SVIL: variants seen among roughly 807,000 people sequenced by gnomAD.
SVIL encodes supervillin, also known as archvillin.
Under a neutral mutation model 240.4 loss-of-function variants are expected in SVIL, and 101 were observed. The observed-to-expected ratio is 0.42, with a 90% CI of 0.36 to 0.50. SVIL has a LOEUF of 0.50. SVIL is among the 20% of genes least tolerant of loss of function. The pLI is 0.01. For missense variants in SVIL, 2,512 were observed against 2,818.7 expected, an observed-to-expected ratio of 0.89 and a Z score of 2.46; for synonymous variants, 999 against 1,100.0, an observed-to-expected ratio of 0.91 and a Z score of 1.82.
intron 1 of SVIL, among the ~76,000 whole-genome samples, chr10:29,723,004 G>GGTACTT (rs1429915743): frequency 6.6e-6 from 1 of 152,218 alleles, no homozygotes; most frequent in East Asian, 1.9e-4. Flanking sequence ...TACTTCACGT[G>GGTACTT]GTACTTGTGA....
At chr10:29,515,967 A>T (rs1185733325) in intron 16 of SVIL, among the ~76,000 whole-genome samples, 1 of 152,042 alleles carries the variant, frequency 6.6e-6, no homozygotes, top group Non-Finnish European at 1.5e-5. Context: ...ATTCTGACGG[A>T]CAAGGAACGT....
chr10:29,532,476 C>T, intron 8 of SVIL, 53 bp downstream of exon 8: 1 of 1,553,364 alleles, frequency 6.4e-7, no homozygotes, highest in Non-Finnish European at 8.7e-7. Context: ...GTGAATCATT[C>T]TGCCAGGGAC....
At chr10:29,572,000 C>T (rs2132728508) in intron 1 of SVIL, among the ~76,000 whole-genome samples, 1 of 152,216 alleles carries the variant, frequency 6.6e-6, no homozygotes, top group South Asian at 2.1e-4. Context: ...CACAGTAGGG[C>T]TGCAGGAAAT....
chr10:29,577,605 TC>T (rs1955759846), intron 1 of SVIL, among the ~76,000 whole-genome samples: 1 of 152,214 alleles, frequency 6.6e-6, no homozygotes, highest in African/African-American at 2.4e-5. Flanking sequence ...TTAGGTTGGT[TC>T]CATGTCTTTG....
intron 32 of SVIL, chr10:29,469,249 C>A (rs1945282153): frequency 6.6e-6 from 1 of 152,222 alleles, no homozygotes; most frequent in African/African-American, 2.4e-5. Flanking sequence ...CCCTAGCCCA[C>A]AGGTGGTGTT....
In SVIL at chr10:29,651,169, C is replaced by G. The variant is rs140621960; in HGVS notation, c.-201+6800G>C. Among the ~76,000 whole-genome samples the G allele has an allele frequency of 3.3e-3, 503 of 152,224 alleles. 2 individuals carry two copies. Among genetic ancestry groups the G allele is most frequent in the African/African-American group, 0.011 (477 of 41,528 alleles). On this transcript the variant is annotated intron_variant, in intron 3 of 35. Coordinates refer to the SVIL transcript ENST00000375400. ...AACCCTGCCTACAAGTTAGCAACTC[C>G]CTACACAGATGCAACATTCATACCC...
rs541867601 is a variant in SVIL at position 29,461,320 on chromosome 10, C to T, written c.6402+957G>A. ...ACAGTTGCAGTGAACAGAAACATCT[C>T]GTTCCGGCTGCGGCAGACACCAAGC... On this transcript the variant is annotated intron_variant, in intron 36 of 37. Coordinates refer to ENST00000355867, the MANE Select transcript of SVIL (RefSeq NM_021738.3). Among the ~76,000 whole-genome samples the T allele has an allele frequency of 1.6e-4, 25 of 152,262 alleles. No individual in the cohort carries two copies. In the South Asian group the frequency reaches 1.9e-3, roughly 11 times the overall value.
intron 24 of SVIL, 47 bp downstream of exon 24, chr10:29,487,116 C>T (rs781714940): frequency 1.2e-5 from 20 of 1,602,214 alleles, no homozygotes; most frequent in African/African-American, 4.0e-5. Context: ...TCCTCCGGTG[C>T]GTAAAGGAGA....
intron 36 of SVIL, chr10:29,458,793 T>C: frequency 2.6e-6 from 1 of 386,060 alleles, no homozygotes; most frequent in Non-Finnish European, 4.4e-6. Context: ...TTTTAAAATT[T>C]TTAAATTTTA....
At chr10:29,719,283 C>T (rs1188950799) in intron 1 of SVIL, among the ~76,000 whole-genome samples, 1 of 152,148 alleles carries the variant, frequency 6.6e-6, no homozygotes, top group East Asian at 1.9e-4. Context: ...GCTTAGTGTT[C>T]CAATTATGGA....
chr10:29,659,202 C>T (rs979358614), intron 2 of SVIL, among the ~76,000 whole-genome samples: 6 of 152,204 alleles, frequency 3.9e-5, no homozygotes, highest in Non-Finnish European at 7.3e-5. Context: ...CTTAATGACT[C>T]AGCCTGGGAG....
intron 29 of SVIL, 99 bp downstream of exon 29, chr10:29,480,438 G>A (rs557422564): frequency 1.6e-5 from 24 of 1,455,390 alleles, no homozygotes; most frequent in South Asian, 8.9e-5. Context: ...CTGCACGGAC[G>A]CAGCAGAGGG....
At chr10:29,614,577 C>T (rs1309158619) in intron 1 of SVIL, among the ~76,000 whole-genome samples, 2 of 152,136 alleles carry the variant, frequency 1.3e-5, no homozygotes, top group Non-Finnish European at 2.9e-5. Context: ...AACCAAACAC[C>T]ACATGTTCTC....
At chr10:29,503,392 G>A (rs904810661) in intron 17 of SVIL, among the ~76,000 whole-genome samples, 1 of 152,216 alleles carries the variant, frequency 6.6e-6, no homozygotes, top group African/African-American at 2.4e-5. Flanking sequence ...CAGCCCTGAG[G>A]CATGTGAGAA....
In SVIL at chr10:29,595,370, A is replaced by G. The variant is rs182970840; in HGVS notation, c.-200-26058T>C. Among the ~76,000 whole-genome samples, 66 of 152,308 alleles carry G rather than the reference A, an allele frequency of 4.3e-4. 2 individuals are homozygous for G. In the East Asian group the frequency reaches 0.012, roughly 29 times the overall value. On this transcript the variant is annotated intron_variant, in intron 1 of 37. Coordinates refer to ENST00000355867, the MANE Select transcript of SVIL (RefSeq NM_021738.3). ...CCCCACCCGGCACCCTCAGAGCAGC[A>G]CGGCTCTGCTAGGGTATGGATGGCA...
chr10:29,476,831 A>G (rs7909727), intron 29 of SVIL, among the ~76,000 whole-genome samples: 56,689 of 152,044 alleles, frequency 0.37, 10,910 homozygotes, highest in East Asian at 0.54. Context: ...TTTTGGCAAT[A>G]TAAAGATTAA....
chr10:29,621,936 G>A (rs909548832), intron 1 of SVIL, among the ~76,000 whole-genome samples: 1 of 152,106 alleles, frequency 6.6e-6, no homozygotes, highest in East Asian at 1.9e-4. Flanking sequence ...AAACATCAGT[G>A]ACTTGGGAGC....
At chr10:29,477,984 ATAAC>A (rs946084352) in intron 29 of SVIL, among the ~76,000 whole-genome samples, 10 of 152,138 alleles carry the variant, frequency 6.6e-5, no homozygotes, top group African/African-American at 1.4e-4. Context: ...TTTTTTTCTC[ATAAC>A]TAACAGCTAA....
At chr10:29,628,662 T>C (rs1403061151) in intron 1 of SVIL, among the ~76,000 whole-genome samples, 2 of 152,220 alleles carry the variant, frequency 1.3e-5, no homozygotes, top group Non-Finnish European at 1.5e-5. Flanking sequence ...ATACAGAGGA[T>C]ACAAATTCTC....
Sources: gnomAD v4.1 joint callset for allele counts (sites outside exome capture counted in the v4.1 genomes callset) on GRCh38, gnomAD v4.1.1 for gene constraint, MANE v1.5 for transcripts, NCBI Gene and HGNC (gene_info 2026-07-23, HGNC 2026-07-21) for gene names.